Variants in NHS observed in about 807,000 individuals in gnomAD.
NHS encodes NHS actin remodeling regulator, also known as actin remodeling regulator NHS.
In NHS, 5 loss-of-function variants were observed where a neutral mutation model predicts 72.5. The observed-to-expected ratio is 0.07, with a 90% CI of 0.04 to 0.14. The LOEUF (loss-of-function observed/expected upper bound fraction) is 0.14. Among genes scored for constraint, NHS ranks in the 10% least tolerant of loss-of-function variants. NHS has a pLI of 1.00. For missense variants in NHS, 1,072 were observed against 1,355.7 expected, an observed-to-expected ratio of 0.79 and a Z score of 3.29; for synonymous variants, 464 against 547.7, an observed-to-expected ratio of 0.85 and a Z score of 2.13.
At chrX:17,681,481 C>G (rs951466638) in intron 1 of NHS, among the ~76,000 whole-genome samples, 1 of 111,682 alleles carries the variant, frequency 9.0e-6, no homozygotes, top group African/African-American at 3.3e-5. Context: ...CCTGCCATAG[C>G]TTAACTACAG....
chrX:17,574,435 A>G, intron 1 of NHS, among the ~76,000 whole-genome samples: 1 of 112,452 alleles, frequency 8.9e-6, no homozygotes, highest in South Asian at 3.7e-4. Flanking sequence ...ACCAAGCTCC[A>G]GTGTCCCAGG....
intron 2 of NHS, 63 bp from the exon 3 acceptor site, chrX:17,692,272 G>C: frequency 8.4e-7 from 1 of 1,185,062 alleles, no homozygotes; most frequent in Non-Finnish European, 1.1e-6. Context: ...ACACTCCCAA[G>C]GGGAAAAGAG....
chrX:17,429,570 G>T (rs1013172514), intron 1 of NHS, among the ~76,000 whole-genome samples: 4 of 111,423 alleles, frequency 3.6e-5, no homozygotes, highest in African/African-American at 1.3e-4. Context: ...GACTTAAGAT[G>T]AGAAAAATAA....
intron 1 of NHS, among the ~76,000 whole-genome samples, chrX:17,394,771 G>T (rs111672583): frequency 0.035 from 3,843 of 110,462 alleles, 170 homozygotes; most frequent in African/African-American, 0.12. Context: ...GAAGATCGCT[G>T]ATTTTTTGTC....
intron 1 of NHS, among the ~76,000 whole-genome samples, chrX:17,538,675 G>T (rs1358219784): frequency 4.5e-5 from 5 of 111,882 alleles, no homozygotes; most frequent in Non-Finnish European, 9.4e-5. Flanking sequence ...AAGTGGGAAG[G>T]GGCTTCACCG....
chrX:17,694,632 G>A (rs1338221354), intron 3 of NHS, among the ~76,000 whole-genome samples: 2 of 112,165 alleles, frequency 1.8e-5, no homozygotes, highest in Admixed American at 1.9e-4. Flanking sequence ...TACCACTTGC[G>A]AGCTGTATGA....
chrX:17,398,733 G>C (rs983968054), intron 1 of NHS, among the ~76,000 whole-genome samples: 1 of 111,795 alleles, frequency 8.9e-6, no homozygotes, highest in Non-Finnish European at 1.9e-5. Flanking sequence ...TTACTGAGTT[G>C]ATAGTCTCTC....
At chrX:17,630,778 C>T (rs2065820089) in intron 1 of NHS, among the ~76,000 whole-genome samples, 1 of 111,717 alleles carries the variant, frequency 9.0e-6, no homozygotes, top group African/African-American at 3.3e-5. Context: ...TCTGGATAAC[C>T]CAATCTTAGG....
chrX:17,721,645 G>T lies in NHS; in HGVS notation c.1108+12G>T, dbSNP rs1372889700. 1.1e-5 allele frequency: 13 copies of T among 1,197,981 alleles called. No individual in the cohort carries two copies. In the South Asian group the frequency reaches 2.2e-4, roughly 20 times the overall value. The stretch of plus-strand genomic sequence containing the variant: ...CATCAATGTTACTGGTATCGTTCTG[G>T]TTTTTTCTTAGGGGCAGTCGGGTCA... On this transcript the variant is annotated intron_variant, in intron 5 of 8. Coordinates refer to ENST00000676302, the MANE Select transcript of NHS (RefSeq NM_001291867.2).
chrX:17,378,318 TTG>T (rs1431497644), intron 1 of NHS, among the ~76,000 whole-genome samples: 1 of 111,616 alleles, frequency 9.0e-6, no homozygotes, highest in Non-Finnish European at 1.9e-5. Context: ...CTATACATAT[TTG>T]TACATGAATA....
intron 1 of NHS, among the ~76,000 whole-genome samples, chrX:17,536,944 C>G (rs1190261922): frequency 2.7e-5 from 3 of 112,034 alleles, no homozygotes; most frequent in Non-Finnish European, 5.6e-5. Context: ...AGGAAGGAAA[C>G]TTTTGGGGAA....
chrX:17,612,423 T>G lies in NHS; in HGVS notation c.566-75319T>G, dbSNP rs751183794. Reference sequence around the variant, plus strand: ...ATCTTTTGTGCTCCCTGTCCTTTGCTTCTCCAGGTCCAGCTGGGTGACAGG... The same window carrying G: ...ATCTTTTGTGCTCCCTGTCCTTTGCGTCTCCAGGTCCAGCTGGGTGACAGG... On this transcript the variant is annotated intron_variant, in intron 1 of 8. Transcript: ENST00000676302. 3.6e-5 allele frequency among the ~76,000 whole-genome samples: 4 copies of G among 110,556 alleles called. No homozygotes were observed. In the East Asian group the frequency reaches 1.2e-3, roughly 32 times the overall value.
intron 1 of NHS, among the ~76,000 whole-genome samples, chrX:17,633,186 C>T (rs183833667): frequency 3.6e-5 from 4 of 111,753 alleles, no homozygotes; most frequent in East Asian, 2.8e-4. Context: ...CATACTCTTC[C>T]GGAAGGCCTC....
chrX:17,600,838 G>A (rs768255783), intron 1 of NHS, among the ~76,000 whole-genome samples: 3 of 110,426 alleles, frequency 2.7e-5, no homozygotes, highest in Non-Finnish European at 5.7e-5. Flanking sequence ...AGAAAGGAGA[G>A]AATGAGAATA....
chrX:17,537,335 T>G (rs1362988396), intron 1 of NHS, among the ~76,000 whole-genome samples: 4 of 110,698 alleles, frequency 3.6e-5, no homozygotes, highest in Non-Finnish European at 7.6e-5. Flanking sequence ...GATTAAAGGT[T>G]TAAACTGGAG....
At chrX:17,597,674 C>T (rs2065631564) in intron 1 of NHS, among the ~76,000 whole-genome samples, 1 of 110,441 alleles carries the variant, frequency 9.1e-6, no homozygotes, top group Admixed American at 9.7e-5. Flanking sequence ...CAGGCACAGG[C>T]TTTAGAGGGT....
At chrX:17,533,536 C>T (rs760489163) in intron 1 of NHS, among the ~76,000 whole-genome samples, 13 of 111,679 alleles carry the variant, frequency 1.2e-4, no homozygotes, top group African/African-American at 3.6e-4. Flanking sequence ...CCACCTGCCT[C>T]TGCTTCTCAA....
chrX:17,434,632 A>G (rs1047909733), intron 1 of NHS, among the ~76,000 whole-genome samples: 1 of 109,154 alleles, frequency 9.2e-6, no homozygotes, highest in Non-Finnish European at 1.9e-5. Context: ...TTTAGTAGAG[A>G]CGGGGTTTCA....
chrX:17,463,326 G>T (rs1046182658), intron 1 of NHS, among the ~76,000 whole-genome samples: 2 of 110,238 alleles, frequency 1.8e-5, no homozygotes, highest in East Asian at 2.8e-4. Context: ...GGGATTTGCT[G>T]GGGGGGAGGG....
Sources: allele counts gnomAD v4.1 joint callset (sites outside exome capture counted in the v4.1 genomes callset), GRCh38; gene constraint gnomAD v4.1.1; transcripts MANE v1.5; gene names NCBI Gene and HGNC (gene_info 2026-07-23, HGNC 2026-07-21).